Variants in SORCS2 observed in about 807,000 individuals in gnomAD.
SORCS2 encodes sortilin related VPS10 domain containing receptor 2, also known as VPS10 domain-containing receptor SorCS2.
In SORCS2, 100 loss-of-function variants were observed where a neutral mutation model predicts 141.6. The ratio of observed to expected loss-of-function variants is 0.71; its 90% CI spans 0.60 to 0.83. The LOEUF (loss-of-function observed/expected upper bound fraction) is 0.83. Ranked by LOEUF, SORCS2 falls within the 40% of genes least tolerant of loss-of-function variation. The pLI is 0.00. For missense variants in SORCS2, 1,646 were observed against 1,560.2 expected (o/e 1.05, Z -0.93); for synonymous variants, 789 against 676.9 (o/e 1.17, Z -2.57).
Position 7,518,869 on chromosome 4 carries a change from C to T in SORCS2, c.549-12661C>T, listed in dbSNP as rs114146104. On this transcript the variant is annotated intron_variant, in intron 2 of 26. Coordinates refer to ENST00000507866, the MANE Select transcript of SORCS2 (RefSeq NM_020777.3). ...TAACCCAGAAGTCGCGGGCTGTGTC[C>T]GGATCATCGGACGGCTGCTTCACAG... Among the ~76,000 whole-genome samples, 1,050 of 152,182 alleles carry T rather than the reference C, an allele frequency of 6.9e-3. 11 individuals carry two copies. The highest frequency in any genetic ancestry group is 0.024 in the African/African-American group (986 of 41,512).
At chr4:7,538,508 G>C (rs1052086750) in intron 3 of SORCS2, among the ~76,000 whole-genome samples, 3 of 152,158 alleles carry the variant, frequency 2.0e-5, no homozygotes, top group African/African-American at 7.2e-5. Flanking sequence ...TTTCTTCCAA[G>C]CATTGTGTTT....
rs527993823 is a variant in SORCS2 at position 7,293,681 on chromosome 4, G to A, written c.480+100555G>A. On this transcript the variant is annotated intron_variant, in intron 1 of 26. Transcript: ENST00000507866. ...CATAGACAGGTGGGCTGTGCTGGGG[G>A]ACACAGTCAATGCCTTGGATTCTCT... is the stretch of plus-strand genomic sequence containing the variant. 2.2e-4 allele frequency among the ~76,000 whole-genome samples: 33 copies of A among 152,290 alleles called. No homozygotes were observed. In the South Asian group the frequency reaches 3.5e-3, roughly 16 times the overall value.
intron 4 of SORCS2, among the ~76,000 whole-genome samples, chr4:7,652,087 C>T (rs1721483329): frequency 2.0e-5 from 3 of 152,162 alleles, no homozygotes; most frequent in African/African-American, 7.2e-5. Context: ...TGAAGTCCCA[C>T]CCCCTGGCAT....
At chr4:7,570,343 T>G (rs1191257207) in intron 3 of SORCS2, among the ~76,000 whole-genome samples, 1 of 152,200 alleles carries the variant, frequency 6.6e-6, no homozygotes, top group Non-Finnish European at 1.5e-5. Context: ...TGACGGTGCC[T>G]CCTCGCTAGG....
At chr4:7,593,588 C>G (rs1577807189) in intron 3 of SORCS2, among the ~76,000 whole-genome samples, 1 of 152,072 alleles carries the variant, frequency 6.6e-6, no homozygotes, top group Non-Finnish European at 1.5e-5. Context: ...GGCCGAGCCT[C>G]AGTGGCTGCT....
chr4:7,569,136 A>G (rs1373204286), intron 3 of SORCS2, among the ~76,000 whole-genome samples: 1 of 152,196 alleles, frequency 6.6e-6, no homozygotes, highest in African/African-American at 2.4e-5. Context: ...GCTGTTGCCC[A>G]GCTCTTGGGC....
intron 2 of SORCS2, among the ~76,000 whole-genome samples, chr4:7,528,794 C>T (rs1280017912): frequency 6.6e-6 from 1 of 151,996 alleles, no homozygotes; most frequent in African/African-American, 2.4e-5. Flanking sequence ...CATAAAGTAC[C>T]ACTGTGGCGA....
chr4:7,327,097 G>T (rs1210340736), intron 1 of SORCS2, among the ~76,000 whole-genome samples: 1 of 152,238 alleles, frequency 6.6e-6, no homozygotes, highest in Non-Finnish European at 1.5e-5. Context: ...GGGGCTGGCA[G>T]GCCTGCAGAG....
chr4:7,392,083 A>G (rs1431833162), intron 1 of SORCS2, among the ~76,000 whole-genome samples: 1 of 152,192 alleles, frequency 6.6e-6, no homozygotes, highest in East Asian at 1.9e-4. Flanking sequence ...AGAGCATGAA[A>G]CCAAGCTCAG....
At chr4:7,524,886 A>G (rs1418830226) in intron 2 of SORCS2, among the ~76,000 whole-genome samples, 1 of 152,168 alleles carries the variant, frequency 6.6e-6, no homozygotes, top group Non-Finnish European at 1.5e-5. Context: ...TGCACCGCAG[A>G]GAGAAACATG....
At chr4:7,220,622 G>A (rs1280783730) in intron 1 of SORCS2, among the ~76,000 whole-genome samples, 3 of 152,198 alleles carry the variant, frequency 2.0e-5, no homozygotes, top group Non-Finnish European at 4.4e-5. Flanking sequence ...CTCAGAGGGA[G>A]TGGGGACAGT....
intron 2 of SORCS2, among the ~76,000 whole-genome samples, chr4:7,529,068 A>G (rs993639605): frequency 6.6e-6 from 1 of 152,062 alleles, no homozygotes; most frequent in African/African-American, 2.4e-5. Context: ...ATCTTAACTA[A>G]TTGCATCTGC....
At chr4:7,317,975 C>T (rs761404985) in intron 1 of SORCS2, among the ~76,000 whole-genome samples, 7 of 152,184 alleles carry the variant, frequency 4.6e-5, no homozygotes, top group South Asian at 2.1e-4. Flanking sequence ...TTCCAGCAAA[C>T]GTCTGGAGGC....
chr4:7,701,822 A>T (rs1188857895), intron 12 of SORCS2, among the ~76,000 whole-genome samples: 1 of 152,162 alleles, frequency 6.6e-6, no homozygotes, highest in Admixed American at 6.5e-5. Context: ...ACGGGCGCAG[A>T]TGCTTCTCTT....
intron 3 of SORCS2, among the ~76,000 whole-genome samples, chr4:7,629,187 A>G (rs1172925054): frequency 6.6e-6 from 1 of 152,224 alleles, no homozygotes; most frequent in Non-Finnish European, 1.5e-5. Context: ...GTATATACAC[A>G]TACATATATC....
intron 1 of SORCS2, among the ~76,000 whole-genome samples, chr4:7,335,359 T>C (rs1719917044): frequency 6.6e-6 from 1 of 152,056 alleles, no homozygotes; most frequent in Admixed American, 6.5e-5. Flanking sequence ...TGAAGGGAAT[T>C]TTATGGGGAG....
intron 1 of SORCS2, among the ~76,000 whole-genome samples, chr4:7,382,911 T>A (rs2109073587): frequency 6.6e-6 from 1 of 152,296 alleles, no homozygotes; most frequent in South Asian, 2.1e-4. Context: ...TAATTTCCTT[T>A]AAGATCAGAA....
rs73216648 is a variant in SORCS2 at position 7,623,401 on chromosome 4, G to A, written c.649-14927G>A. On this transcript the variant is annotated intron_variant, in intron 3 of 26. Coordinates refer to ENST00000507866, the MANE Select transcript of SORCS2 (RefSeq NM_020777.3). Reference sequence around the variant, plus strand: ...TGCTTGAGCTCTCGGTGGCTGGCCCGTGACTTCTGCAGCACTTTGCTGTCT... The same window carrying A: ...TGCTTGAGCTCTCGGTGGCTGGCCCATGACTTCTGCAGCACTTTGCTGTCT... Among the ~76,000 whole-genome samples, 1,357 of 143,414 alleles carry A rather than the reference G, an allele frequency of 9.5e-3. 10 individuals carry two copies. Among genetic ancestry groups the A allele is most frequent in the Middle Eastern group, 0.017 (5 of 288 alleles). The allele number at this position is 143,414 out of a possible 152,430, so 94.1% of individuals were successfully genotyped here. A position where few individuals can be genotyped will look rare whatever the true frequency, so the allele number is the denominator to read the frequency against.
At chr4:7,356,576 G>A (rs1018302160) in intron 1 of SORCS2, among the ~76,000 whole-genome samples, 2 of 152,166 alleles carry the variant, frequency 1.3e-5, no homozygotes, top group African/African-American at 2.4e-5. Context: ...CCCCACCCTC[G>A]TGACTACTTC....
Sources: gnomAD v4.1 joint callset for allele counts (sites outside exome capture counted in the v4.1 genomes callset) on GRCh38, gnomAD v4.1.1 for gene constraint, MANE v1.5 for transcripts, NCBI Gene and HGNC (gene_info 2026-07-23, HGNC 2026-07-21) for gene names.